Variants in SLC35F3 observed in about 807,000 individuals in gnomAD.
The protein encoded by SLC35F3 is solute carrier family 35 member F3.
SLC35F3 carries 25 observed loss-of-function variants against 49.9 expected under a neutral mutation model. The ratio of observed to expected loss-of-function variants is 0.50; its 90% confidence interval spans 0.37 to 0.70. SLC35F3 has a LOEUF of 0.70. Among genes scored for constraint, SLC35F3 ranks in the 30% least tolerant of loss-of-function variants. The pLI, the probability that SLC35F3 is intolerant of heterozygous loss-of-function variation, is 0.00. For missense variants in SLC35F3, 525 were observed against 639.8 expected (o/e 0.82, Z 1.94); for synonymous variants, 275 against 265.4 (o/e 1.04, Z -0.35).
At chr1:234,295,094 C>T (rs184212296) in intron 3 of SLC35F3, among the ~76,000 whole-genome samples, 7 of 152,344 alleles carry the variant, frequency 4.6e-5, no homozygotes, top group African/African-American at 7.2e-5. Flanking sequence ...CTCAGTGCCT[C>T]GCTGTCCCAG....
chr1:233,909,365 G>T (rs1012320235), intron 2 of SLC35F3, among the ~76,000 whole-genome samples: 6 of 152,170 alleles, frequency 3.9e-5, no homozygotes, highest in Admixed American at 3.3e-4. Flanking sequence ...ATTATCATCT[G>T]TTGAGTGGAT....
chr1:234,267,917 C>T (rs1047257501), intron 3 of SLC35F3, among the ~76,000 whole-genome samples: 2 of 143,446 alleles, frequency 1.4e-5, no homozygotes, highest in African/African-American at 5.4e-5. Context: ...CAGAGACGCT[C>T]CTCACTTCCT....
At chr1:234,265,863 C>CCACA (rs1398684948) in intron 3 of SLC35F3, among the ~76,000 whole-genome samples, 7 of 152,256 alleles carry the variant, frequency 4.6e-5, no homozygotes, top group Admixed American at 3.3e-4. Context: ...CAGGCTCCAC[C>CCACA]CACACTCCAG....
chr1:234,119,161 G>T (rs1212570441), intron 2 of SLC35F3, among the ~76,000 whole-genome samples: 1 of 152,108 alleles, frequency 6.6e-6, no homozygotes, highest in African/African-American at 2.4e-5. Context: ...GGTGGGGTGT[G>T]TAAGGGTAAG....
intron 2 of SLC35F3, among the ~76,000 whole-genome samples, chr1:233,995,248 G>A (rs769664405): frequency 2.4e-4 from 37 of 152,158 alleles, no homozygotes; most frequent in Non-Finnish European, 4.6e-4. Context: ...TTTTTCCAGA[G>A]GACAGAGGCA....
intron 2 of SLC35F3, among the ~76,000 whole-genome samples, chr1:233,980,497 C>T (rs1045893722): frequency 6.6e-5 from 10 of 152,186 alleles, no homozygotes; most frequent in Admixed American, 1.3e-4. Context: ...CTGACTCCCC[C>T]GTGTTGAGCA....
At chr1:234,034,653 TG>T (rs775608905) in intron 2 of SLC35F3, among the ~76,000 whole-genome samples, 2 of 152,158 alleles carry the variant, frequency 1.3e-5, no homozygotes, top group Non-Finnish European at 2.9e-5. Flanking sequence ...CCCAAGTAGC[TG>T]GGATTATAGG....
rs186348791 is a variant in SLC35F3, at chr1:234,014,495, A to G, written c.283+108737A>G. On this transcript the variant is annotated intron_variant, in intron 2 of 7. Transcript: ENST00000366618. ...TAGCCAGAGCAATTAGACAAAAGAA[A>G]AAAATAAAGGTCATCCAGATAGGAA... 3.5e-3 allele frequency among the ~76,000 whole-genome samples: 537 copies of G among 152,332 alleles called. 2 individuals are homozygous for G. Among genetic ancestry groups the G allele is most frequent in the Non-Finnish European group, 5.4e-3 (365 of 68,032 alleles).
intron 2 of SLC35F3, among the ~76,000 whole-genome samples, chr1:234,109,827 G>T (rs111305806): frequency 2.8e-4 from 42 of 152,262 alleles, no homozygotes; most frequent in African/African-American, 9.4e-4. Context: ...AAGTCAGGAG[G>T]ATCTGGCCCA....
intron 2 of SLC35F3, among the ~76,000 whole-genome samples, chr1:234,048,187 C>T (rs1205943815): frequency 6.6e-6 from 1 of 151,886 alleles, no homozygotes; most frequent in Non-Finnish European, 1.5e-5. Context: ...TTAGTGTTTA[C>T]AGTAAAATGT....
intron 2 of SLC35F3, among the ~76,000 whole-genome samples, chr1:234,185,517 G>A (rs1293610161): frequency 6.6e-6 from 1 of 152,164 alleles, no homozygotes; most frequent in Non-Finnish European, 1.5e-5. Flanking sequence ...TAGTACCTAA[G>A]GCATTAATGC....
intron 2 of SLC35F3, among the ~76,000 whole-genome samples, chr1:234,045,534 G>A (rs1469013210): frequency 6.6e-6 from 1 of 152,148 alleles, no homozygotes; most frequent in Non-Finnish European, 1.5e-5. Flanking sequence ...ACACAGCTAT[G>A]AAGTGCAAGA....
chr1:234,316,787 C>A, intron 5 of SLC35F3, 60 bp downstream of exon 5: 1 of 1,558,426 alleles, frequency 6.4e-7, no homozygotes. Flanking sequence ...GCACAGCCGG[C>A]TTTAGATCGC....
chr1:233,942,204 G>T (rs560572304), intron 2 of SLC35F3, among the ~76,000 whole-genome samples: 1 of 151,576 alleles, frequency 6.6e-6, no homozygotes, highest in Admixed American at 6.6e-5. Context: ...CTTGTGAGCC[G>T]CCCGCCTCAG....
chr1:234,198,722 C>T (rs1361275346), intron 2 of SLC35F3, among the ~76,000 whole-genome samples: 1 of 151,988 alleles, frequency 6.6e-6, no homozygotes, highest in Non-Finnish European at 1.5e-5. Flanking sequence ...AAGTCAAGAT[C>T]GTTAACATGC....
At position 234,318,746 on chromosome 1, in the gene SLC35F3, T is replaced by C. The variant is rs1468387546; in HGVS notation, c.955-5T>C. 1.9e-6 allele frequency: 3 copies of C among 1,613,038 alleles called. No individual in the cohort carries two copies. The highest frequency in any genetic ancestry group is 2.5e-6 in the Non-Finnish European group (3 of 1,179,566). ...CACCCCGTCCTCCTCTGCTTTCTCC[T>C]ACAGGTTTTGTTCAAGCTCCTCCTG... On this transcript the variant is annotated splice_polypyrimidine_tract_variant and splice_region_variant and intron_variant, in intron 5 of 7. Transcript: ENST00000366618.
At chr1:234,311,874 G>A (rs532252307) in intron 4 of SLC35F3, among the ~76,000 whole-genome samples, 1 of 152,328 alleles carries the variant, frequency 6.6e-6, no homozygotes, top group African/African-American at 2.4e-5. Flanking sequence ...GTTATAAGCT[G>A]TTTGGACCTT....
intron 3 of SLC35F3, among the ~76,000 whole-genome samples, chr1:234,264,909 CTG>C (rs1312430691): frequency 6.6e-6 from 1 of 152,228 alleles, no homozygotes; most frequent in Non-Finnish European, 1.5e-5. Context: ...ACCTGGGACA[CTG>C]AACTTTTTGT....
chr1:233,970,125 T>C (rs1344496047), intron 2 of SLC35F3, among the ~76,000 whole-genome samples: 1 of 152,174 alleles, frequency 6.6e-6, no homozygotes, highest in Admixed American at 6.5e-5. Flanking sequence ...CAAGCACTGG[T>C]GGCCTCTGCC....
Sources: gnomAD v4.1 joint callset for allele counts (sites outside exome capture counted in the v4.1 genomes callset) on GRCh38, gnomAD v4.1.1 for gene constraint, MANE v1.5 for transcripts, NCBI Gene and HGNC (gene_info 2026-07-23, HGNC 2026-07-21) for gene names.